SCNN1D: variants seen among roughly 807,000 people sequenced by gnomAD.
SCNN1D encodes the protein sodium channel epithelial 1 subunit delta.
SCNN1D carries 104 observed loss-of-function variants against 87.8 expected under a neutral mutation model. That is an observed-to-expected ratio of 1.18 (90% CI 1.01 to 1.39). The LOEUF (loss-of-function observed/expected upper bound fraction) is 1.39, where lower values mean the gene tolerates loss of function less well. SCNN1D is among the 40% of genes most tolerant of loss of function. SCNN1D has a pLI of 0.00. For missense variants in SCNN1D, 1,324 were observed against 1,093.9 expected (o/e 1.21, Z -2.97); for synonymous variants, 628 against 481.2 (o/e 1.31, Z -3.99).
Position 1,291,124 on chromosome 1 carries a change from A to C in SCNN1D, c.2036A>C (p.Glu679Ala). ...YQELNYRSVE[E>A]APVYSVPQLL... ...GAGCTCAACTACCGCTCAGTGGAGG[A>C]GGCGCCCGTGTACTCGGTGAGCCTT... Residue 679 changes from glutamate (E) to alanine (A), a missense_variant, in exon 17 of 18, where the codon GAG becomes GCG. By Grantham distance (107) the Glu-to-Ala change is moderately radical (BLOSUM62 -1). Coordinates refer to ENST00000379116, the MANE Select transcript of SCNN1D (RefSeq NM_001130413.4). 1 of 1,611,992 alleles carries C rather than the reference A, an allele frequency of 6.2e-7. No individual in the cohort carries two copies. The highest frequency in any genetic ancestry group is 8.5e-7 in the Non-Finnish European group (1 of 1,179,668).
chr1:1,290,837 A>G lies in SCNN1D; in HGVS notation c.1918-58A>G, dbSNP rs899904221. On this transcript the variant is annotated intron_variant, in intron 15 of 17. Coordinates refer to ENST00000379116, the MANE Select transcript of SCNN1D (RefSeq NM_001130413.4). ...CTCTGCCCCCACATCCGCCCGTGGT[A>G]CCCAGGATGGCCGGGGGCATGGGGG... is the stretch of plus-strand genomic sequence containing the variant. 46 of 1,593,928 alleles carry G rather than the reference A, an allele frequency of 2.9e-5. No homozygotes were observed. In the African/African-American group the frequency reaches 4.0e-4, roughly 14 times the overall value.
chr1:1,287,801 C>A lies in SCNN1D; in HGVS notation c.1528C>A (p.Arg510=). Residue 510 remains arginine (R), a synonymous_variant, in exon 11 of 18, where the codon CGG becomes AGG. Coordinates refer to ENST00000379116, the MANE Select transcript of SCNN1D (RefSeq NM_001130413.4). ...PFLGHHSFSV[R]PGTEATISIR... is the part of the protein sequence containing the mutation. ...CCTGGGGCACCACAGCTTCAGCGTCCGGCCAGGGACGGAGGCCACCATCAG... is the reference window on the plus strand; with the variant it reads ...CCTGGGGCACCACAGCTTCAGCGTCAGGCCAGGGACGGAGGCCACCATCAG... 1 of 1,575,858 alleles carries A rather than the reference C, an allele frequency of 6.3e-7. No individual in the cohort carries two copies. The highest frequency in any genetic ancestry group is 8.6e-7 in the Non-Finnish European group (1 of 1,160,850).
In SCNN1D at chr1:1,281,599, G is replaced by C; in HGVS notation, c.266G>C (p.Gly89Ala). The change falls in exon 3 of 18, where the codon GGG becomes GCG. Residue 89 changes from glycine to alanine, a missense_variant. Transcript: ENST00000379116. Reference protein sequence around the residue: ...PLCLLSGPIQGCGTGLGDSSM... With the variant: ...PLCLLSGPIQACGTGLGDSSM... ...TGCCTACTCTCTGGCCCGATACAGG[G>C]GTGTGGGACAGGTGACTGAACCTCA... is the stretch of plus-strand genomic sequence containing the variant. 6.5e-7 allele frequency: 1 copy of C among 1,535,578 alleles called. No homozygotes were observed. The highest frequency in any genetic ancestry group is 8.7e-7 in the Non-Finnish European group (1 of 1,146,702).
rs745525970 is a variant in SCNN1D at position 1,287,717 on chromosome 1, C to G, written c.1444C>G (p.Leu482Val). Residue 482 changes from leucine to valine, a missense_variant, in exon 11 of 18, where the codon CTG (leucine) becomes GTG (valine). Physicochemically the swap from Leu to Val is conservative, Grantham distance 32. Coordinates refer to ENST00000379116, the MANE Select transcript of SCNN1D (RefSeq NM_001130413.4). ...LRVEQQPHLP[L>V]LSTLAGIRVM... ...GGTTGAGCAGCAGCCTCACCTCCCT[C>G]TGCTGTCCACGCTGGCCGGCATCAG... 7 of 1,609,930 alleles carry G rather than the reference C, an allele frequency of 4.3e-6. No homozygotes were observed. The highest frequency in any genetic ancestry group is 5.9e-6 in the Non-Finnish European group (7 of 1,178,740).
Position 1,287,593 on chromosome 1 carries a change from C to CA in SCNN1D, c.1397dup (p.His466GlnfsTer10), listed in dbSNP as rs2100330430. On this transcript the variant is annotated frameshift_variant, in exon 10 of 18. Transcript: ENST00000379116. LOFTEE classifies it high-confidence loss of function. ...GACAGCTCAGCGCCCCGGCATCACCCACGGTGGGTGCCAGCCCCTGGCCGG... is the reference window on the plus strand; with the variant it reads ...GACAGCTCAGCGCCCCGGCATCACCCAACGGTGGGTGCCAGCCCCTGGCCGG... 6.2e-7 allele frequency: 1 copy of CA among 1,601,606 alleles called. No individual in the cohort carries two copies. Among genetic ancestry groups the CA allele is most frequent in the East Asian group, 2.2e-5 (1 of 44,656 alleles).
At chr1:1,285,516 G>A in intron 5 of SCNN1D, 55 bp from the exon 6 acceptor site, 1 of 1,246,360 alleles carries the variant, frequency 8.0e-7, no homozygotes, top group Non-Finnish European at 1.1e-6. Flanking sequence ...CTTCCCCTGA[G>A]CCCCAGACCC....
rs749990768 is a variant in SCNN1D at position 1,287,831 on chromosome 1, C to G, written c.1558C>G (p.Arg520Gly). The G allele has an allele frequency of 1.9e-6, 3 of 1,547,464 alleles. No homozygotes were observed. The highest frequency in any genetic ancestry group is 2.7e-5 in the African/African-American group (2 of 73,246). The change falls in exon 11 of 18, where the codon CGA (arginine) becomes GGA (glycine). Residue 520 changes from arginine (R) to glycine (G), a missense_variant. Transcript: ENST00000379116. ...AGGGACGGAGGCCACCATCAGCATC[C>G]GAGAGGTGAGCTGGCCTCTGCAGCC... ...RPGTEATISI[R>G]EDEVHRLGSP...
In SCNN1D at chr1:1,290,624, C is replaced by G. The variant is rs1431948856; in HGVS notation, c.1860-13C>G. ...AGGTAGCGTGGCAGGTGACACCCGG[C>G]TGTCTCTTCCAGGGAGTCTGCATTC... is the stretch of plus-strand genomic sequence containing the variant. On this transcript the variant is annotated splice_polypyrimidine_tract_variant and intron_variant, in intron 14 of 17. Transcript: ENST00000379116. 9.9e-6 allele frequency: 16 copies of G among 1,612,606 alleles called. No homozygotes were observed. The highest frequency in any genetic ancestry group is 1.4e-5 in the Non-Finnish European group (16 of 1,179,918).
chr1:1,286,340 C>T lies in SCNN1D; in HGVS notation c.911+62C>T. 3.7e-6 allele frequency: 5 copies of T among 1,333,746 alleles called. No homozygotes were observed. In the South Asian group the frequency reaches 7.0e-5, roughly 19 times the overall value. 82.6% of individuals were successfully genotyped at this position (1,333,746 alleles called of 1,614,324 possible). A position where few individuals can be genotyped will look rare whatever the true frequency, so the allele number is the denominator to read the frequency against. ...CCCAGCTCCTTGCCCCTGTGACCGT[C>T]TCTAACCGAAGCCCCACTGGCCCCT... is the stretch of plus-strand genomic sequence containing the variant. On this transcript the variant is annotated intron_variant, in intron 7 of 17. Transcript: ENST00000379116.
chr1:1,290,304 G>A lies in SCNN1D; in HGVS notation c.1696G>A (p.Val566Met), dbSNP rs1302278279. 1 of 1,586,060 alleles carries A rather than the reference G, an allele frequency of 6.3e-7. No individual in the cohort carries two copies. Among genetic ancestry groups the A allele is most frequent in the African/African-American group, 1.3e-5 (1 of 74,568 alleles). ...CLVSCFQQLM[V>M]ETCSCGYYLH... Reference sequence around the variant, plus strand: ...GGTGTCCTGCTTCCAGCAGCTGATGGTGGAGACCTGCTCCTGTGGCTACTA... The same window carrying A: ...GGTGTCCTGCTTCCAGCAGCTGATGATGGAGACCTGCTCCTGTGGCTACTA... The change falls in exon 13 of 18, where the codon GTG becomes ATG. Residue 566 changes from valine (V) to methionine (M), a missense_variant. By Grantham distance (21) the Val-to-Met change is conservative. Transcript: ENST00000379116.
chr1:1,285,722 C>A, intron 6 of SCNN1D, 58 bp downstream of exon 6: 1 of 1,385,978 alleles, frequency 7.2e-7, no homozygotes, highest in Non-Finnish European at 9.8e-7. Flanking sequence ...CAAACTCAAA[C>A]TCAGCTCCAA....
At chr1:1,281,673 G>A (rs1640474568) in intron 3 of SCNN1D, 63 bp downstream of exon 3, 4 of 1,438,054 alleles carry the variant, frequency 2.8e-6, no homozygotes, top group African/African-American at 1.4e-5. Context: ...GGAGCCGGGA[G>A]CTGCGTGATC....
rs2100305607 is a variant in SCNN1D at position 1,281,195 on chromosome 1, C to A, written c.6-31C>A. On this transcript the variant is annotated intron_variant, in intron 1 of 17. Transcript: ENST00000379116. ...TGGGATAGGAGGTCCTGGCTGGGGT[C>A]CCACAGATGCCAGGCGCCTGCCATC... is the stretch of plus-strand genomic sequence containing the variant. The A allele has an allele frequency of 2.0e-6, 3 of 1,531,024 alleles. No individual in the cohort carries two copies. The East Asian group carries it at 7.3e-5, about 37-fold the overall frequency. 94.8% of individuals were successfully genotyped at this position (1,531,024 alleles called of 1,614,324 possible).
chr1:1,291,390 G>C lies in SCNN1D; in HGVS notation c.2189G>C (p.Arg730Pro). The C allele has an allele frequency of 6.2e-7, 1 of 1,608,214 alleles. No homozygotes were observed. The highest frequency in any genetic ancestry group is 8.5e-7 in the Non-Finnish European group (1 of 1,178,358). ...CTGGTGCTAGGCGGCCGCCGGCTCC[G>C]CAGGGCGTGGTTCTCCTGGCCCAGA... ...LTLVLGGRRL[R>P]RAWFSWPRAS... The change falls in exon 18 of 18, where the codon CGC becomes CCC. Residue 730 changes from arginine (R) to proline (P), a missense_variant. By Grantham distance (103) the Arg-to-Pro change is moderately radical. Coordinates refer to ENST00000379116, the MANE Select transcript of SCNN1D (RefSeq NM_001130413.4).
In SCNN1D at chr1:1,287,990, G is replaced by A; in HGVS notation, c.1615G>A (p.Glu539Lys). The change falls in exon 12 of 18, where the codon GAA (glutamate) becomes AAA (lysine). Residue 539 changes from glutamate to lysine, a missense_variant. Glu to Lys is a moderately conservative substitution (Grantham distance 56). Transcript: ENST00000379116. ...SPYGHCTAGG[E>K]GVEVELLHNT... ...CTACGGCCACTGCACCGCCGGCGGGGAAGGCGTGGAGGTGGAGCTGCTACA... is the reference window on the plus strand; with the variant it reads ...CTACGGCCACTGCACCGCCGGCGGGAAAGGCGTGGAGGTGGAGCTGCTACA... 1 of 1,546,542 alleles carries A rather than the reference G, an allele frequency of 6.5e-7. No homozygotes were observed. Among genetic ancestry groups the A allele is most frequent in the African/African-American group, 1.4e-5 (1 of 72,110 alleles).
At chr1:1,281,157 G>A in intron 1 of SCNN1D, 69 bp from the exon 2 acceptor site, 2 of 1,433,054 alleles carry the variant, frequency 1.4e-6, no homozygotes, top group South Asian at 1.2e-5. Context: ...CCCCAGGGGA[G>A]GAAACGGGGC....
chr1:1,280,769 A>T, intron 1 of SCNN1D, 103 bp downstream of exon 1: 1 of 656,058 alleles, frequency 1.5e-6, no homozygotes, highest in Non-Finnish European at 2.8e-6. Context: ...TTCAGGGCTT[A>T]TAATTTTATT....
Position 1,285,670 on chromosome 1 carries a change from G to T in SCNN1D, c.558+6G>T. 6.5e-7 allele frequency: 1 copy of T among 1,532,052 alleles called. No homozygotes were observed. Among genetic ancestry groups the T allele is most frequent in the Non-Finnish European group, 8.8e-7 (1 of 1,136,738 alleles). The allele number at this position is 1,532,052 out of a possible 1,614,324, so 94.9% of individuals were successfully genotyped here. On this transcript the variant is annotated splice_donor_region_variant and intron_variant, in intron 6 of 17. Transcript: ENST00000379116. ...CTGCCTGCAAACAGGGCCAGGTAGG[G>T]CCTGAGCACCCTGTTCTCTGAGTCC...
rs754992872 is a variant in SCNN1D, at chr1:1,290,709, T to C, written c.1917+15T>C. On this transcript the variant is annotated intron_variant, in intron 15 of 17. Transcript: ENST00000379116. ...CCAAGTCAGCTGTGAGTCCCCAAAG[T>C]GGTGGGGTGGGGGTGTGGACAGCCA... 6.2e-7 allele frequency: 1 copy of C among 1,612,286 alleles called. No individual in the cohort carries two copies. Among genetic ancestry groups the C allele is most frequent in the South Asian group, 1.1e-5 (1 of 91,064 alleles).
Sources: gnomAD v4.1 joint callset for allele counts on GRCh38, gnomAD v4.1.1 for gene constraint, MANE v1.5 for transcripts, NCBI Gene and HGNC (gene_info 2026-07-23, HGNC 2026-07-21) for gene names.